The following DDR2 variants were observed in gnomAD, a reference collection of about 807,000 sequenced individuals.
The protein encoded by DDR2 is discoidin domain receptor tyrosine kinase 2, also known as discoidin domain-containing receptor 2.
Under a neutral mutation model 94.9 loss-of-function variants are expected in DDR2, and 27 were observed. That is an observed-to-expected ratio of 0.28 (90% CI 0.21 to 0.39). The LOEUF (loss-of-function observed/expected upper bound fraction) is 0.39. Ranked by LOEUF, DDR2 falls within the 10% of genes least tolerant of loss-of-function variation. DDR2 has a pLI of 1.00. For synonymous variants in DDR2, 382 were observed against 377.2 expected, an observed-to-expected ratio of 1.01 and a Z score of -0.15; for missense variants, 783 against 1,076.0, an observed-to-expected ratio of 0.73 and a Z score of 3.81.
In DDR2 at chr1:162,707,662, T is replaced by TTTG. The variant is rs201658630; in HGVS notation, c.-27-11364_-27-11362dup. Among the ~76,000 whole-genome samples the TTTG allele has an allele frequency of 8.8e-3, 1,339 of 152,250 alleles. 16 individuals carry two copies. The highest frequency in any genetic ancestry group is 0.035 in the East Asian group (178 of 5,156). On this transcript the variant is annotated intron_variant, in intron 2 of 17. Transcript: ENST00000367921. ...CCTGGCAAGAAAAAAAGACTGACTT[T>TTTG]TTGTTGTTGTTGTGTTGCCCCAGGT...
intron 3 of DDR2, among the ~76,000 whole-genome samples, chr1:162,726,386 G>C (rs1021277996): frequency 6.6e-6 from 1 of 152,004 alleles, no homozygotes; most frequent in Non-Finnish European, 1.5e-5. Flanking sequence ...GGGATAAAAG[G>C]GTTCCAAATA....
intron 8 of DDR2, 129 bp downstream of exon 8, chr1:162,760,108 A>G: frequency 8.1e-7 from 1 of 1,234,576 alleles, no homozygotes; most frequent in Non-Finnish European, 1.2e-6. Context: ...CTAACTAGCT[A>G]AATGCATTTC....
chr1:162,656,833 G>GTTTTTT (rs761726921), intron 2 of DDR2, among the ~76,000 whole-genome samples: 10,644 of 64,784 alleles, frequency 0.16, 3,729 homozygotes, highest in East Asian at 0.24. Context: ...TGCCACTGGA[G>GTTTTTT]TTTTTTTTTT....
intron 9 of DDR2, among the ~76,000 whole-genome samples, 160 bp from the exon 10 acceptor site, chr1:162,765,841 G>T (rs1396767521): frequency 2.7e-5 from 4 of 150,662 alleles, no homozygotes; most frequent in African/African-American, 7.4e-5. Context: ...TAGATAAATG[G>T]TGATTTTTTA....
intron 2 of DDR2, among the ~76,000 whole-genome samples, chr1:162,668,668 C>T (rs1417392824): frequency 1.3e-5 from 2 of 152,150 alleles, no homozygotes; most frequent in Non-Finnish European, 2.9e-5. Context: ...ATCTTTTTCT[C>T]CTTTCCCTTA....
intron 1 of DDR2, among the ~76,000 whole-genome samples, chr1:162,645,693 T>C (rs919432075): frequency 6.6e-6 from 1 of 152,206 alleles, no homozygotes; most frequent in East Asian, 1.9e-4. Flanking sequence ...ATTAATAGCT[T>C]TGAGGGTTCA....
rs866385444 is a variant in DDR2 at position 162,761,318 on chromosome 1, C to T, written c.963C>T (p.Pro321=). Reference sequence around the variant, plus strand: ...GGGAACCTAATGCCATTTCCTTCCCCCTTGTCCTGGATGACGTCAACCCCA... The same window carrying T: ...GGGAACCTAATGCCATTTCCTTCCCTCTTGTCCTGGATGACGTCAACCCCA... ...SEWEPNAISF[P]LVLDDVNPSA... Residue 321 remains proline (P), a synonymous_variant, in exon 9 of 18, where the codon CCC becomes CCT. Coordinates refer to ENST00000367921, the MANE Select transcript of DDR2 (RefSeq NM_006182.4). The T allele has an allele frequency of 1.9e-6, 3 of 1,614,204 alleles. No individual in the cohort carries two copies. Among genetic ancestry groups the T allele is most frequent in the Middle Eastern group, 3.3e-4 (2 of 6,062 alleles).
intron 2 of DDR2, among the ~76,000 whole-genome samples, chr1:162,662,855 C>T (rs1658373638): frequency 6.6e-6 from 1 of 151,934 alleles, no homozygotes; most frequent in African/African-American, 2.4e-5. Flanking sequence ...GTGGAGGTGT[C>T]CTAGTCCACT....
intron 1 of DDR2, among the ~76,000 whole-genome samples, chr1:162,646,905 G>T (rs1464470852): frequency 1.3e-5 from 2 of 152,190 alleles, no homozygotes; most frequent in African/African-American, 4.8e-5. Flanking sequence ...GTGTAAAACT[G>T]CATTAGACTG....
At chr1:162,646,904 T>A (rs979389035) in intron 1 of DDR2, among the ~76,000 whole-genome samples, 1 of 152,226 alleles carries the variant, frequency 6.6e-6, no homozygotes, top group African/African-American at 2.4e-5. Flanking sequence ...TGTGTAAAAC[T>A]GCATTAGACT....
chr1:162,657,292 C>T (rs1258057419), intron 2 of DDR2, among the ~76,000 whole-genome samples: 7 of 152,162 alleles, frequency 4.6e-5, no homozygotes, highest in Non-Finnish European at 7.3e-5. Context: ...CTTGGCTCCT[C>T]CAGGAAGAGT....
intron 2 of DDR2, among the ~76,000 whole-genome samples, chr1:162,672,591 C>A (rs1658917987): frequency 6.6e-6 from 1 of 152,062 alleles, no homozygotes; most frequent in Non-Finnish European, 1.5e-5. Context: ...CACATATATA[C>A]ATATAGATTC....
intron 1 of DDR2, among the ~76,000 whole-genome samples, chr1:162,639,320 C>T (rs1443863591): frequency 1.3e-5 from 2 of 152,108 alleles, no homozygotes; most frequent in African/African-American, 2.4e-5. Flanking sequence ...GAATAGAGAG[C>T]CCAGATAGAC....
chr1:162,755,399 C>T, intron 6 of DDR2, 96 bp downstream of exon 6: 1 of 1,487,978 alleles, frequency 6.7e-7, no homozygotes, highest in Non-Finnish European at 9.3e-7. Context: ...GGATCAGTTA[C>T]TCCTGGAATG....
At position 162,675,744 on chromosome 1, in the gene DDR2, C is replaced by A. The variant is rs532805645; in HGVS notation, c.-28+20370C>A. On this transcript the variant is annotated intron_variant, in intron 2 of 17. Coordinates refer to ENST00000367921, the MANE Select transcript of DDR2 (RefSeq NM_006182.4). ...AGTGGTCAATGAAGTTTTATTTAAG[C>A]AGAAAAGAGACCCTATTGGGTTGAG... Among the ~76,000 whole-genome samples the A allele has an allele frequency of 2.0e-5, 3 of 152,224 alleles. No individual in the cohort carries two copies. In the South Asian group the frequency reaches 6.2e-4, roughly 32 times the overall value.
intron 2 of DDR2, among the ~76,000 whole-genome samples, chr1:162,683,579 T>C (rs543060614): frequency 1.3e-4 from 20 of 152,296 alleles, no homozygotes; most frequent in Non-Finnish European, 2.1e-4. Context: ...AATATAGTGC[T>C]AATTTTAATC....
chr1:162,708,634 C>T (rs962525692), intron 2 of DDR2, among the ~76,000 whole-genome samples: 1 of 152,224 alleles, frequency 6.6e-6, no homozygotes, highest in Non-Finnish European at 1.5e-5. Flanking sequence ...TTCTGCTCTG[C>T]TGGTTCATAG....
At chr1:162,757,641 T>A (rs545029795) in intron 7 of DDR2, among the ~76,000 whole-genome samples, 1 of 152,270 alleles carries the variant, frequency 6.6e-6, no homozygotes, top group South Asian at 2.1e-4. Context: ...TAATGAGTCA[T>A]TGAAGATTTT....
intron 2 of DDR2, among the ~76,000 whole-genome samples, chr1:162,717,948 T>C (rs1223883602): frequency 6.6e-6 from 1 of 152,184 alleles, no homozygotes; most frequent in Admixed American, 6.5e-5. Flanking sequence ...CTTAAGGAGC[T>C]GGGGAAGGGA....
Sources: allele counts gnomAD v4.1 joint callset (sites outside exome capture counted in the v4.1 genomes callset), GRCh38; gene constraint gnomAD v4.1.1; transcripts MANE v1.5; gene names NCBI Gene and HGNC (gene_info 2026-07-23, HGNC 2026-07-21).